The following NEGR1 variants were observed in gnomAD, a reference collection of about 807,000 sequenced individuals.
NEGR1 encodes IgLON family member 4.
A neutral mutation model predicts 40.9 loss-of-function variants in NEGR1; 10 were observed. The ratio of observed to expected loss-of-function variants is 0.24; its 90% CI spans 0.15 to 0.42. NEGR1 has a LOEUF of 0.42. NEGR1 is among the 10% of genes least tolerant of loss of function. The probability of loss-of-function intolerance (pLI) is 1.00; values close to 1 mark genes in which losing one functional copy is unlikely to be tolerated. For synonymous variants in NEGR1, 185 were observed against 166.8 expected, an observed-to-expected ratio of 1.11 and a Z score of -0.84; for missense variants, 352 against 438.9, an observed-to-expected ratio of 0.80 and a Z score of 1.77.
Position 71,396,995 on chromosome 1 carries a change from GGCT to G in NEGR1, c.*10448_*10450del, listed in dbSNP as rs534242351. ...AGGCAGGGGTTGGAATAGTTTGGAGGGCTCAGAAGAAGACAGGAAAATGTGGGA... is the reference window on the plus strand; with the variant it reads ...AGGCAGGGGTTGGAATAGTTTGGAGGCAGAAGAAGACAGGAAAATGTGGGA... On this transcript the variant is annotated 3_prime_UTR_variant, in exon 7 of 7. Transcript: ENST00000357731. 2.5e-3 allele frequency: 388 copies of G among 153,870 alleles called. 2 individuals are homozygous for G. Among genetic ancestry groups the G allele is most frequent in the Middle Eastern group, 6.6e-3 (2 of 302 alleles). The allele number at this position is 153,870 out of a possible 1,614,324, so 9.5% of individuals were successfully genotyped here. A position where few individuals can be genotyped will look rare whatever the true frequency, so the allele number is the denominator to read the frequency against.
At chr1:71,809,653 TACTA>T (rs1657917046) in intron 2 of NEGR1, among the ~76,000 whole-genome samples, 1 of 152,170 alleles carries the variant, frequency 6.6e-6, no homozygotes, top group African/African-American at 2.4e-5. Flanking sequence ...AGAATGTCTC[TACTA>T]ACTATTCTCT....
chr1:71,716,638 A>T (rs868115740), intron 3 of NEGR1, among the ~76,000 whole-genome samples: 2 of 152,208 alleles, frequency 1.3e-5, no homozygotes. Context: ...ACAGAGCCAG[A>T]AAAGCAGTTT....
At chr1:71,450,897 TAA>T (rs1646622488) in intron 6 of NEGR1, among the ~76,000 whole-genome samples, 1 of 152,146 alleles carries the variant, frequency 6.6e-6, no homozygotes, top group African/African-American at 2.4e-5. Context: ...CATTAATGAT[TAA>T]ATATTACTTA....
chr1:72,061,990 C>T (rs1647183798), intron 1 of NEGR1, among the ~76,000 whole-genome samples: 1 of 151,838 alleles, frequency 6.6e-6, no homozygotes, highest in African/African-American at 2.4e-5. Context: ...CATTTTCCAT[C>T]ATATGGATTT....
At chr1:71,797,199 C>G (rs968163080) in intron 2 of NEGR1, among the ~76,000 whole-genome samples, 1 of 152,100 alleles carries the variant, frequency 6.6e-6, no homozygotes, top group Non-Finnish European at 1.5e-5. Flanking sequence ...CTCGCAGTAC[C>G]ACACAGTCAT....
chr1:72,102,495 G>A (rs996354098), intron 1 of NEGR1, among the ~76,000 whole-genome samples: 1 of 151,990 alleles, frequency 6.6e-6, no homozygotes, highest in Non-Finnish European at 1.5e-5. Context: ...GGAGAAAATA[G>A]CATTTAAATT....
chr1:72,046,152 T>C (rs1442089377), intron 1 of NEGR1, among the ~76,000 whole-genome samples: 1 of 151,698 alleles, frequency 6.6e-6, no homozygotes, highest in African/African-American at 2.4e-5. Flanking sequence ...CATTTGTACA[T>C]AGTCTTAGTC....
chr1:72,171,273 A>C (rs1038568802), intron 1 of NEGR1, among the ~76,000 whole-genome samples: 1 of 152,178 alleles, frequency 6.6e-6, no homozygotes, highest in Non-Finnish European at 1.5e-5. Flanking sequence ...AGTTACATCA[A>C]TCTCAATATA....
intron 6 of NEGR1, among the ~76,000 whole-genome samples, chr1:71,533,952 C>A (rs536712743): frequency 6.6e-6 from 1 of 151,734 alleles, no homozygotes; most frequent in Admixed American, 6.6e-5. Flanking sequence ...TAATCTACTC[C>A]TTTTTAACTT....
At chr1:71,920,843 T>A (rs948540263) in intron 2 of NEGR1, among the ~76,000 whole-genome samples, 1 of 152,140 alleles carries the variant, frequency 6.6e-6, no homozygotes, top group Non-Finnish European at 1.5e-5. Flanking sequence ...GGTAAATATA[T>A]AATCACAGCT....
At chr1:71,883,562 T>G (rs1660639088) in intron 2 of NEGR1, among the ~76,000 whole-genome samples, 1 of 152,154 alleles carries the variant, frequency 6.6e-6, no homozygotes, top group Admixed American at 6.6e-5. Context: ...TCATGAGAAA[T>G]TAAAGGAGCT....
chr1:72,168,002 ATTATT>A (rs1651825110), intron 1 of NEGR1, among the ~76,000 whole-genome samples: 1 of 12,012 alleles, frequency 8.3e-5, no homozygotes, highest in South Asian at 3.0e-3. Context: ...TATTATTATT[ATTATT>A]TTTTTTTTTT....
intron 2 of NEGR1, among the ~76,000 whole-genome samples, chr1:71,934,835 G>A (rs891967928): frequency 6.6e-6 from 1 of 151,972 alleles, no homozygotes; most frequent in Non-Finnish European, 1.5e-5. Context: ...GTATGTGTGT[G>A]CGCGTGTGTG....
chr1:72,182,923 CA>C (rs935520211), intron 1 of NEGR1, among the ~76,000 whole-genome samples: 22 of 151,838 alleles, frequency 1.4e-4, no homozygotes, highest in Admixed American at 1.4e-3. Context: ...AAAATGAAAA[CA>C]AAAAAGTTTC....
At chr1:71,815,991 T>C (rs1658192186) in intron 2 of NEGR1, among the ~76,000 whole-genome samples, 1 of 152,112 alleles carries the variant, frequency 6.6e-6, no homozygotes, top group African/African-American at 2.4e-5. Flanking sequence ...ACTTGCTTTT[T>C]ACACAAATTG....
At chr1:72,000,002 C>A (rs1317819073) in intron 1 of NEGR1, among the ~76,000 whole-genome samples, 1 of 151,786 alleles carries the variant, frequency 6.6e-6, no homozygotes, top group Non-Finnish European at 1.5e-5. Flanking sequence ...TGTCATTGTA[C>A]TGTGAACTAA....
At chr1:71,930,892 T>C (rs528407864) in intron 2 of NEGR1, among the ~76,000 whole-genome samples, 2 of 152,270 alleles carry the variant, frequency 1.3e-5, no homozygotes, top group Admixed American at 1.3e-4. Context: ...ATCAAAGCTG[T>C]CCTACATTGG....
chr1:71,730,864 G>T lies in NEGR1; in HGVS notation c.536-32725C>A, dbSNP rs191016143. On this transcript the variant is annotated intron_variant, in intron 3 of 6. Coordinates refer to ENST00000357731, the MANE Select transcript of NEGR1 (RefSeq NM_173808.3). The stretch of plus-strand genomic sequence containing the variant: ...TTTCATAGGGACATATGCTACTGGT[G>T]TAGTGAAGCATTCGTGTGTGTGTGT... Among the ~76,000 whole-genome samples, 52 of 148,954 alleles carry T rather than the reference G, an allele frequency of 3.5e-4. 1 individual carries two copies. The East Asian group carries it at 0.01, about 29-fold the overall frequency.
chr1:72,208,181 T>C (rs1653478237), intron 1 of NEGR1, among the ~76,000 whole-genome samples: 1 of 151,700 alleles, frequency 6.6e-6, no homozygotes, highest in African/African-American at 2.4e-5. Flanking sequence ...TGTGTGTGCA[T>C]TGTGCCTGCA....
Sources: allele counts gnomAD v4.1 joint callset (sites outside exome capture counted in the v4.1 genomes callset), GRCh38; gene constraint gnomAD v4.1.1; transcripts MANE v1.5; gene names NCBI Gene and HGNC (gene_info 2026-07-23, HGNC 2026-07-21).